Variants in AKIRIN2 observed in about 807,000 individuals in gnomAD.
AKIRIN2 encodes the protein akirin 2.
In AKIRIN2, 6 loss-of-function variants were observed where a neutral mutation model predicts 29.3. That is an observed-to-expected ratio of 0.20 (90% CI 0.11 to 0.40). The LOEUF (loss-of-function observed/expected upper bound fraction) is 0.40. Among genes scored for constraint, AKIRIN2 ranks in the 10% least tolerant of loss-of-function variants. AKIRIN2 has a pLI of 1.00. For synonymous variants in AKIRIN2, 128 were observed against 117.5 expected (o/e 1.09, Z -0.58); for missense variants, 210 against 276.1 (o/e 0.76, Z 1.70).
At chr6:87,690,794 A>G (rs2787921) in intron 1 of AKIRIN2, among the ~76,000 whole-genome samples, 94,922 of 151,648 alleles carry the variant, frequency 0.63, 30,860 homozygotes, top group African/African-American at 0.81. Context: ...CCAACATGGT[A>G]AAACCCTATC....
chr6:87,676,678 G>A (rs1174731484), intron 3 of AKIRIN2, among the ~76,000 whole-genome samples: 4 of 151,334 alleles, frequency 2.6e-5, no homozygotes, highest in Non-Finnish European at 5.9e-5. Flanking sequence ...TACTCAGGAG[G>A]TTAAGGCAGG....
Position 87,678,705 on chromosome 6 carries a change from A to G in AKIRIN2, c.380-738T>C, listed in dbSNP as rs536808625. On this transcript the variant is annotated intron_variant, in intron 2 of 4. Coordinates refer to ENST00000257787, the MANE Select transcript of AKIRIN2 (RefSeq NM_018064.4). ...AAATTTAATTTTATTTAGTCCCAGA[A>G]TAACAAATCATTATGCCTGTAAAAA... Among the ~76,000 whole-genome samples, 3 of 152,336 alleles carry G rather than the reference A, an allele frequency of 2.0e-5. No homozygotes were observed. In the South Asian group the frequency reaches 6.2e-4, roughly 32 times the overall value.
chr6:87,689,682 CTG>C (rs1269432899), intron 1 of AKIRIN2, among the ~76,000 whole-genome samples: 1 of 152,190 alleles, frequency 6.6e-6, no homozygotes, highest in Non-Finnish European at 1.5e-5. Context: ...TTCAAAGTGA[CTG>C]TTACCTTTTG....
chr6:87,680,465 G>A (rs962761143), intron 2 of AKIRIN2, among the ~76,000 whole-genome samples: 4 of 151,022 alleles, frequency 2.6e-5, no homozygotes, highest in African/African-American at 9.7e-5. Context: ...TAGAGACGGG[G>A]TTTCACTGTG....
At chr6:87,690,237 A>C (rs1010953044) in intron 1 of AKIRIN2, among the ~76,000 whole-genome samples, 1 of 152,046 alleles carries the variant, frequency 6.6e-6, no homozygotes, top group Non-Finnish European at 1.5e-5. Context: ...AACAAAAAAA[A>C]CCAACTCTTA....
chr6:87,679,269 A>G (rs1166644021), intron 2 of AKIRIN2, among the ~76,000 whole-genome samples: 1 of 152,072 alleles, frequency 6.6e-6, no homozygotes, highest in Admixed American at 6.6e-5. Context: ...GGTGGCTCAT[A>G]CCTGTAATCC....
chr6:87,676,761 C>CA (rs767367020), intron 3 of AKIRIN2, among the ~76,000 whole-genome samples: 4 of 148,396 alleles, frequency 2.7e-5, no homozygotes, highest in East Asian at 4.0e-4. Context: ...GCCTGGGCGA[C>CA]AGAGTGAGAC....
intron 4 of AKIRIN2, 122 bp downstream of exon 4, chr6:87,675,738 T>C: frequency 6.9e-7 from 1 of 1,446,820 alleles, no homozygotes; most frequent in Non-Finnish European, 9.6e-7. Context: ...GCTGCCTATT[T>C]CCTCCATACA....
chr6:87,686,079 G>A (rs1771181326), intron 1 of AKIRIN2, among the ~76,000 whole-genome samples: 1 of 152,136 alleles, frequency 6.6e-6, no homozygotes, highest in Admixed American at 6.6e-5. Context: ...GCTGGGTGTG[G>A]TGGCGGGCCC....
chr6:87,682,433 C>T (rs1481689084), intron 1 of AKIRIN2, among the ~76,000 whole-genome samples: 5 of 152,162 alleles, frequency 3.3e-5, no homozygotes, highest in African/African-American at 7.2e-5. Flanking sequence ...AACCACTATA[C>T]CACAGTGCAA....
chr6:87,676,403 T>C (rs1214571061), intron 3 of AKIRIN2, among the ~76,000 whole-genome samples: 1 of 134,642 alleles, frequency 7.4e-6, no homozygotes, highest in Non-Finnish European at 1.5e-5. Flanking sequence ...GAGGTGGAGC[T>C]TGCAGTGAGC....
intron 1 of AKIRIN2, among the ~76,000 whole-genome samples, chr6:87,684,667 C>A (rs1771162464): frequency 6.6e-6 from 1 of 152,126 alleles, no homozygotes; most frequent in South Asian, 2.1e-4. Context: ...TTTCACTCAG[C>A]AAAATGCTTT....
chr6:87,685,384 T>C (rs1771171139), intron 1 of AKIRIN2, among the ~76,000 whole-genome samples: 1 of 152,244 alleles, frequency 6.6e-6, no homozygotes, highest in African/African-American at 2.4e-5. Context: ...TGAGTTGCTT[T>C]CATACCAGGT....
chr6:87,701,927 A>T lies in AKIRIN2; in HGVS notation c.-243T>A. The T allele has an allele frequency of 2.4e-6, 1 of 411,672 alleles. No homozygotes were observed. Among genetic ancestry groups the T allele is most frequent in the Non-Finnish European group, 4.3e-6 (1 of 233,206 alleles). 25.5% of individuals were successfully genotyped at this position (411,672 alleles called of 1,614,324 possible). On this transcript the variant is annotated 5_prime_UTR_variant, in exon 1 of 5. Transcript: ENST00000257787. ...GGGAGGGGCGGTGGCGGGCAGAAGC[A>T]CACGCCAGTCGCGTCAGGGGGGTTC... is the stretch of plus-strand genomic sequence containing the variant.
In AKIRIN2 at chr6:87,701,916, C is replaced by T; in HGVS notation, c.-232G>A. On this transcript the variant is annotated 5_prime_UTR_variant, in exon 1 of 5. Coordinates refer to ENST00000257787, the MANE Select transcript of AKIRIN2 (RefSeq NM_018064.4). ...CGGGTGAGAGCGGGAGGGGCGGTGG[C>T]GGGCAGAAGCACACGCCAGTCGCGT... The T allele has an allele frequency of 2.4e-6, 1 of 411,482 alleles. No homozygotes were observed. Among genetic ancestry groups the T allele is most frequent in the Middle Eastern group, 6.2e-4 (1 of 1,624 alleles). The allele number at this position is 411,482 out of a possible 1,614,324, so 25.5% of individuals were successfully genotyped here. A position where few individuals can be genotyped will look rare whatever the true frequency, so the allele number is the denominator to read the frequency against.
intron 1 of AKIRIN2, among the ~76,000 whole-genome samples, chr6:87,693,100 G>C (rs1478486478): frequency 2.6e-5 from 4 of 151,880 alleles, no homozygotes; most frequent in African/African-American, 9.7e-5. Context: ...ATGATGGTGG[G>C]CACCTGTGGT....
At chr6:87,700,044 T>C (rs79570660) in intron 1 of AKIRIN2, among the ~76,000 whole-genome samples, 1,723 of 152,202 alleles carry the variant, frequency 0.011, 30 homozygotes, top group African/African-American at 0.038. Context: ...CTTTTTTTTT[T>C]CCCAAAGTAA....
intron 1 of AKIRIN2, among the ~76,000 whole-genome samples, chr6:87,683,911 C>T (rs1274528174): frequency 6.6e-6 from 1 of 152,180 alleles, no homozygotes; most frequent in Non-Finnish European, 1.5e-5. Context: ...CTCGGTCTCC[C>T]AAAGTGCTAG....
Position 87,701,637 on chromosome 6 carries a change from C to T in AKIRIN2, c.48G>A (p.Leu16=), listed in dbSNP as rs773697793. 2 of 1,466,142 alleles carry T rather than the reference C, an allele frequency of 1.4e-6. No individual in the cohort carries two copies. Among genetic ancestry groups the T allele is most frequent in the Non-Finnish European group, 1.8e-6 (2 of 1,112,678 alleles). The allele number at this position is 1,466,142 out of a possible 1,614,324, so 90.8% of individuals were successfully genotyped here. The change falls in exon 1 of 5, where the codon CTG becomes CTA. Residue 16 remains leucine (L), a synonymous_variant. Transcript: ENST00000257787. ...TLKRTLDFDP[L]LSPASPKRRR... ...TGCGCTTCGGGGACGCCGGGCTCAA[C>T]AGCGGGTCGAAATCCAGAGTCCTTT...
Sources: gnomAD v4.1 joint callset for allele counts (sites outside exome capture counted in the v4.1 genomes callset) on GRCh38, gnomAD v4.1.1 for gene constraint, MANE v1.5 for transcripts, NCBI Gene and HGNC (gene_info 2026-07-23, HGNC 2026-07-21) for gene names.